FYB1: variants seen among roughly 807,000 people sequenced by gnomAD.
The protein encoded by FYB1 is FYN-binding protein 1.
A neutral mutation model predicts 94.1 loss-of-function variants in FYB1; 41 were observed. That is an observed-to-expected ratio of 0.44 (90% confidence interval 0.34 to 0.57). FYB1 has a LOEUF of 0.57. FYB1 is among the 20% of genes least tolerant of loss of function. The pLI is 0.02. For synonymous variants in FYB1, 367 were observed against 353.2 expected (o/e 1.04, Z -0.44); for missense variants, 1,050 against 976.8 (o/e 1.07, Z -1.00).
At chr5:39,123,248 A>C (rs1456972721) in intron 13 of FYB1, among the ~76,000 whole-genome samples, 1 of 152,146 alleles carries the variant, frequency 6.6e-6, no homozygotes, top group African/African-American at 2.4e-5. Context: ...CTCCCCCTCT[A>C]TGTCCTCCAC....
chr5:39,125,281 A>G (rs1249596521), intron 12 of FYB1, among the ~76,000 whole-genome samples: 1 of 152,172 alleles, frequency 6.6e-6, no homozygotes, highest in Non-Finnish European at 1.5e-5. Context: ...TTCATGAGCT[A>G]AATATAAAAC....
At chr5:39,199,728 G>T (rs1748151676) in intron 2 of FYB1, among the ~76,000 whole-genome samples, 1 of 152,126 alleles carries the variant, frequency 6.6e-6, no homozygotes, top group South Asian at 2.1e-4. Flanking sequence ...AAATTAAGAA[G>T]AGTGGTTTCT....
intron 1 of FYB1, among the ~76,000 whole-genome samples, chr5:39,214,832 G>A (rs1454643000): frequency 6.6e-6 from 1 of 152,190 alleles, no homozygotes; most frequent in East Asian, 1.9e-4. Flanking sequence ...GGGAGGCTGA[G>A]GCAGGATAAT....
chr5:39,273,705 G>A (rs1175418606), intron 1 of FYB1, among the ~76,000 whole-genome samples: 2 of 152,110 alleles, frequency 1.3e-5, no homozygotes, highest in East Asian at 1.9e-4. Flanking sequence ...AACAGTTTTT[G>A]TTCAGTCAAT....
chr5:39,131,216 T>C (rs1741178442), intron 9 of FYB1, among the ~76,000 whole-genome samples: 1 of 152,204 alleles, frequency 6.6e-6, no homozygotes, highest in South Asian at 2.1e-4. Context: ...GCATTTATGT[T>C]ATAATTGTCT....
At chr5:39,167,255 TTCTC>T (rs879811936) in intron 2 of FYB1, among the ~76,000 whole-genome samples, 11 of 151,022 alleles carry the variant, frequency 7.3e-5, no homozygotes, top group Non-Finnish European at 1.2e-4. Context: ...TCTTGGGTAG[TTCTC>T]TCTCTCTCTC....
At chr5:39,186,621 C>G (rs1053998852) in intron 2 of FYB1, among the ~76,000 whole-genome samples, 1 of 142,820 alleles carries the variant, frequency 7.0e-6, no homozygotes, top group Non-Finnish European at 1.5e-5. Flanking sequence ...TGATTTAACA[C>G]CTGCAACAAT....
At chr5:39,268,735 TTG>T (rs1752542273) in intron 1 of FYB1, among the ~76,000 whole-genome samples, 2 of 152,042 alleles carry the variant, frequency 1.3e-5, no homozygotes, top group South Asian at 4.1e-4. Flanking sequence ...CCAGCTAATT[TTG>T]TGTTTTTAGT....
At chr5:39,151,854 CACAGAA>C (rs1743279600) in intron 3 of FYB1, among the ~76,000 whole-genome samples, 1 of 152,188 alleles carries the variant, frequency 6.6e-6, no homozygotes, top group Non-Finnish European at 1.5e-5. Context: ...CTGTGAGAAG[CACAGAA>C]ACACCTATAT....
At chr5:39,160,160 T>C (rs1744121349) in intron 2 of FYB1, among the ~76,000 whole-genome samples, 2 of 152,222 alleles carry the variant, frequency 1.3e-5, no homozygotes, top group African/African-American at 4.8e-5. Flanking sequence ...TATGAAGACT[T>C]GGTTAAGTTG....
In FYB1 at chr5:39,118,928, C is replaced by A. The variant is rs1036674013; in HGVS notation, c.2347G>T (p.Val783Phe). The change falls in exon 16 of 19, where the codon GTT becomes TTT. Residue 783 changes from valine (V) to phenylalanine (F), a missense_variant. By Grantham distance (50) the Val-to-Phe change is conservative (BLOSUM62 -1). Transcript: ENST00000512982. Reference protein sequence around the residue: ...LQVKPGESLEVIQTTDDTKVL... With the variant: ...LQVKPGESLEFIQTTDDTKVL... ...TTTGTGTCATCTGTGGTTTGTATAA[C>A]TTCTAGAGATTCACCAGGTTTTACC... 13 of 1,570,718 alleles carry A rather than the reference C, an allele frequency of 8.3e-6. No homozygotes were observed. The highest frequency in any genetic ancestry group is 1.1e-5 in the Non-Finnish European group (13 of 1,154,972).
At chr5:39,113,768 T>G (rs946709509) in intron 16 of FYB1, among the ~76,000 whole-genome samples, 1 of 152,084 alleles carries the variant, frequency 6.6e-6, no homozygotes, top group African/African-American at 2.4e-5. Flanking sequence ...CTCATGCAGT[T>G]TAAAAACAAG....
intron 1 of FYB1, among the ~76,000 whole-genome samples, chr5:39,214,093 T>C (rs563371842): frequency 6.6e-6 from 1 of 152,228 alleles, no homozygotes; most frequent in East Asian, 1.9e-4. Flanking sequence ...CTTTTCTACA[T>C]ACTAAATGGT....
intron 2 of FYB1, among the ~76,000 whole-genome samples, chr5:39,167,283 C>CTG (rs1327255652): frequency 6.6e-6 from 1 of 152,096 alleles, no homozygotes; most frequent in East Asian, 1.9e-4. Flanking sequence ...CTCTCTCTCT[C>CTG]TCTCCCTTGT....
intron 1 of FYB1, among the ~76,000 whole-genome samples, chr5:39,253,241 T>C (rs768409994): frequency 8.5e-5 from 13 of 152,206 alleles, no homozygotes; most frequent in South Asian, 2.1e-4. Flanking sequence ...GAATGTGAAC[T>C]GATGGAAACT....
At chr5:39,274,031 TCTC>T (rs1402128937) in intron 1 of FYB1, among the ~76,000 whole-genome samples, 1 of 151,900 alleles carries the variant, frequency 6.6e-6, no homozygotes, top group African/African-American at 2.4e-5. Context: ...TTCAAGCAAT[TCTC>T]CTGCCTCAGC....
intron 6 of FYB1, chr5:39,137,939 T>C (rs1311269513): frequency 4.1e-5 from 22 of 536,192 alleles, no homozygotes; most frequent in Non-Finnish European, 5.5e-5. Context: ...CTGCTTTCCC[T>C]GACAACTTGT....
chr5:39,190,867 G>C (rs1194080473), intron 2 of FYB1, among the ~76,000 whole-genome samples: 1 of 151,900 alleles, frequency 6.6e-6, no homozygotes, highest in Non-Finnish European at 1.5e-5. Flanking sequence ...TGAGAGGCTG[G>C]AGAGGTGGGA....
At chr5:39,237,086 A>T (rs1036726340) in intron 1 of FYB1, among the ~76,000 whole-genome samples, 2 of 152,124 alleles carry the variant, frequency 1.3e-5, no homozygotes, top group African/African-American at 4.8e-5. Flanking sequence ...CAAATTTAAC[A>T]AGTAAGTTGG....
Sources: gnomAD v4.1 joint callset for allele counts (sites outside exome capture counted in the v4.1 genomes callset) on GRCh38, gnomAD v4.1.1 for gene constraint, MANE v1.5 for transcripts, NCBI Gene and HGNC (gene_info 2026-07-23, HGNC 2026-07-21) for gene names.